The following CELF2 variants were observed in gnomAD, a reference collection of about 807,000 sequenced individuals.
CELF2 encodes the protein CUGBP Elav-like family member 2.
CELF2 carries 8 observed loss-of-function variants against 62.6 expected under a neutral mutation model. The observed-to-expected ratio is 0.13, with a 90% CI of 0.07 to 0.23. The LOEUF is 0.23. CELF2 is among the 10% of genes least tolerant of loss of function. The probability of loss-of-function intolerance (pLI) is 1.00; values close to 1 mark genes in which losing one functional copy is unlikely to be tolerated. For missense variants in CELF2, 333 were observed against 671.0 expected (o/e 0.50, Z 5.56); for synonymous variants, 258 against 250.0 (o/e 1.03, Z -0.30).
chr10:11,227,930 C>G lies in CELF2; in HGVS notation c.354+10423C>G, dbSNP rs1185692520. ...TCCACACTTTGTGTACTCACCAGCA[C>G]ATACACGGTATTATTGTTTCCTCAG... is the stretch of plus-strand genomic sequence containing the variant. On this transcript the variant is annotated intron_variant, in intron 3 of 12. Coordinates refer to ENST00000633077, the MANE Select transcript of CELF2 (RefSeq NM_001326342.2). The surrounding 1 kb of genome is among the most constrained non-coding windows in gnomAD (Gnocchi z 4.8). Among the ~76,000 whole-genome samples, 1 of 152,214 alleles carries G rather than the reference C, an allele frequency of 6.6e-6. No individual in the cohort carries two copies. Among genetic ancestry groups the G allele is most frequent in the Non-Finnish European group, 1.5e-5 (1 of 68,040 alleles).
At chr10:11,099,340 A>G (rs2050787333) in intron 1 of CELF2, among the ~76,000 whole-genome samples, 1 of 152,240 alleles carries the variant, frequency 6.6e-6, no homozygotes, top group Admixed American at 6.5e-5. Flanking sequence ...AATAAGTCAC[A>G]AAAACATTCG....
intron 1 of CELF2, among the ~76,000 whole-genome samples, chr10:11,097,050 A>G (rs2050079605): frequency 6.6e-6 from 1 of 152,172 alleles, no homozygotes; most frequent in Non-Finnish European, 1.5e-5. Context: ...TGATTCAGAA[A>G]ATGTGGCTGG....
chr10:10,602,568 ACT>A, the CELF2 span, among the ~76,000 whole-genome samples: 2 of 152,172 alleles, frequency 1.3e-5, no homozygotes, highest in Non-Finnish European at 2.9e-5. Flanking sequence ...ACGGATACTC[ACT>A]GAGTGTCAAC....
chr10:10,814,073 C>T (rs926941027), intron 1 of CELF2, among the ~76,000 whole-genome samples: 1 of 152,050 alleles, frequency 6.6e-6, no homozygotes, highest in African/African-American at 2.4e-5. Flanking sequence ...TTAAGGAAGG[C>T]TCAGCACCTC....
At chr10:11,238,143 A>G (rs950773729) in intron 3 of CELF2, among the ~76,000 whole-genome samples, 1 of 152,236 alleles carries the variant, frequency 6.6e-6, no homozygotes. Context: ...AGACAGTTCC[A>G]CAAGTCAGAA....
chr10:11,084,365 G>GCTTA (rs2074852762), intron 1 of CELF2, among the ~76,000 whole-genome samples: 2 of 152,256 alleles, frequency 1.3e-5, no homozygotes, highest in African/African-American at 2.4e-5. Context: ...TAGATGCTAT[G>GCTTA]CTTAGGTCCT....
In CELF2 at chr10:11,039,635, G is replaced by T. The variant is rs987860114; in HGVS notation, c.74+21472G>T. Among the ~76,000 whole-genome samples, 4 of 152,128 alleles carry T rather than the reference G, an allele frequency of 2.6e-5. No individual in the cohort carries two copies. Among genetic ancestry groups the T allele is most frequent in the African/African-American group, 7.2e-5 (3 of 41,414 alleles). Reference sequence around the variant, plus strand: ...ACAAGTTCTTGAGTCACAGTTTAAGGTTCCATTTAAAGCCACTCAATGGAA... The same window carrying T: ...ACAAGTTCTTGAGTCACAGTTTAAGTTTCCATTTAAAGCCACTCAATGGAA... On this transcript the variant is annotated intron_variant, in intron 1 of 12. Transcript: ENST00000633077. This position sits in a 1 kb window ranked among gnomAD's most constrained non-coding sequence, Gnocchi z 4.1.
chr10:11,100,073 G>A (rs1488733916), intron 1 of CELF2, among the ~76,000 whole-genome samples: 3 of 151,914 alleles, frequency 2.0e-5, no homozygotes, highest in Non-Finnish European at 4.4e-5. Context: ...ATGGTGGTGG[G>A]CTCCTCTGAA....
At chr10:11,198,078 G>A (rs527921225) in intron 2 of CELF2, among the ~76,000 whole-genome samples, 53 of 152,338 alleles carry the variant, frequency 3.5e-4, no homozygotes, top group Admixed American at 2.7e-3. Flanking sequence ...TGGTTCCACG[G>A]CTTTTAACGC....
the CELF2 span, among the ~76,000 whole-genome samples, chr10:10,576,778 G>A: frequency 3.9e-5 from 6 of 152,272 alleles, no homozygotes; most frequent in South Asian, 6.2e-4. Flanking sequence ...CACTTGTACA[G>A]TGTGTGGTAC....
chr10:11,328,915 G>A lies in CELF2; in HGVS notation c.1439-11G>A, dbSNP rs191227131. ...CTCTCCAGGCTGACTCCCTCTCTCGGTATTTTCCAGGTTTTGTTAGCTACG... is the reference window on the plus strand; with the variant it reads ...CTCTCCAGGCTGACTCCCTCTCTCGATATTTTCCAGGTTTTGTTAGCTACG... On this transcript the variant is annotated splice_polypyrimidine_tract_variant and intron_variant, in intron 12 of 12. Coordinates refer to ENST00000633077, the MANE Select transcript of CELF2 (RefSeq NM_001326342.2). The surrounding 1 kb of genome is among the most constrained non-coding windows in gnomAD (Gnocchi z 6.4). 6.3e-7 allele frequency: 1 copy of A among 1,598,322 alleles called. No individual in the cohort carries two copies.
At chr10:10,652,598 C>A in the CELF2 span, among the ~76,000 whole-genome samples, 870 of 149,968 alleles carry the variant, frequency 5.8e-3, 2 homozygotes, top group Non-Finnish European at 8.2e-3. Context: ...ATTTTCAACC[C>A]AGAATTTCAT....
In CELF2 at chr10:11,280,747, C is replaced by T. The variant is rs547293498; in HGVS notation, c.841+5627C>T. On this transcript the variant is annotated intron_variant, in intron 8 of 12. Transcript: ENST00000633077. This position sits in a 1 kb window ranked among gnomAD's most constrained non-coding sequence, Gnocchi z 7.6. ...TCTGCCTGGCTGAGTGGACAGAGGC[C>T]GCTCTGGGTGGGGGAAACGGTGCCC... Among the ~76,000 whole-genome samples, 10 of 152,290 alleles carry T rather than the reference C, an allele frequency of 6.6e-5. No homozygotes were observed. In the East Asian group the frequency reaches 1.4e-3, roughly 21 times the overall value.
chr10:10,908,100 G>A (rs1363753467), intron 1 of CELF2, among the ~76,000 whole-genome samples: 2 of 151,656 alleles, frequency 1.3e-5, no homozygotes, highest in Admixed American at 6.6e-5. Context: ...ACAGTCAGAG[G>A]GGAGATGTTC....
At chr10:11,081,632 C>T (rs2074057773) in intron 1 of CELF2, among the ~76,000 whole-genome samples, 2 of 152,122 alleles carry the variant, frequency 1.3e-5, no homozygotes, top group South Asian at 2.1e-4. Context: ...CGTGTTAGAA[C>T]CTCTGGAAGG....
At chr10:11,222,294 C>T (rs986553157) in intron 3 of CELF2, among the ~76,000 whole-genome samples, 1 of 152,166 alleles carries the variant, frequency 6.6e-6, no homozygotes, top group Non-Finnish European at 1.5e-5. Flanking sequence ...CTCAGAGCCA[C>T]GATTATCATC....
chr10:11,141,715 T>C (rs1227835457), intron 1 of CELF2, among the ~76,000 whole-genome samples: 1 of 152,238 alleles, frequency 6.6e-6, no homozygotes, highest in African/African-American at 2.4e-5. Flanking sequence ...TTCATGGTGA[T>C]GTGCCTTGAT....
Position 11,328,529 on chromosome 10 carries a change from T to C in CELF2, c.1439-397T>C. On this transcript the variant is annotated intron_variant, in intron 12 of 12. Coordinates refer to ENST00000633077, the MANE Select transcript of CELF2 (RefSeq NM_001326342.2). The surrounding 1 kb of genome is among the most constrained non-coding windows in gnomAD (Gnocchi z 6.4). ...GAGCCCCTAGGGGCCCCCACAGCCC[T>C]GAAATATTTACACCACTGCTTGTAT... Among the ~76,000 whole-genome samples the C allele has an allele frequency of 6.6e-6, 1 of 152,178 alleles. No individual in the cohort carries two copies. The highest frequency in any genetic ancestry group is 1.9e-4 in the East Asian group (1 of 5,198).
the CELF2 span, among the ~76,000 whole-genome samples, chr10:10,774,259 C>T: frequency 6.6e-6 from 1 of 152,182 alleles, no homozygotes; most frequent in Non-Finnish European, 1.5e-5. Flanking sequence ...GACGGAAGCA[C>T]ACGGTACACA....
Sources: allele counts gnomAD v4.1 joint callset (sites outside exome capture counted in the v4.1 genomes callset), GRCh38; gene constraint gnomAD v4.1.1; non-coding constraint Gnocchi (gnomAD v3.1); transcripts MANE v1.5; gene names NCBI Gene and HGNC (gene_info 2026-07-23, HGNC 2026-07-21).